PUS7L: variants seen among roughly 807,000 people sequenced by gnomAD.
The protein encoded by PUS7L is pseudouridine synthase 7 like, also known as pseudouridylate synthase PUS7L.
In PUS7L, 49 loss-of-function variants were observed where a neutral mutation model predicts 51.1. The ratio of observed to expected loss-of-function variants is 0.96; its 90% CI spans 0.76 to 1.22. PUS7L has a LOEUF of 1.22. Ranked by LOEUF, PUS7L falls within the 50% of genes most tolerant of loss-of-function variation. PUS7L has a pLI of 0.00. For synonymous variants in PUS7L, 277 were observed against 276.2 expected, an observed-to-expected ratio of 1.00 and a Z score of -0.03; for missense variants, 828 against 820.6, an observed-to-expected ratio of 1.01 and a Z score of -0.11.
At chr12:43,742,104 T>C (rs950899920) in intron 5 of PUS7L, among the ~76,000 whole-genome samples, 10 of 152,252 alleles carry the variant, frequency 6.6e-5, no homozygotes, top group Admixed American at 5.9e-4. Flanking sequence ...TTTTAGTCTC[T>C]GGACTTATGT....
chr12:43,740,096 C>T (rs1014424140), intron 5 of PUS7L, among the ~76,000 whole-genome samples: 8 of 152,136 alleles, frequency 5.3e-5, no homozygotes, highest in African/African-American at 1.9e-4. Context: ...TTGCCAAAAT[C>T]TTAATGAAAA....
chr12:43,742,785 G>A (rs1318514302), intron 4 of PUS7L: 5 of 331,656 alleles, frequency 1.5e-5, no homozygotes, highest in South Asian at 1.2e-4. Flanking sequence ...TTAAAAATAC[G>A]TCAGCTTTCC....
intron 4 of PUS7L, among the ~76,000 whole-genome samples, chr12:43,744,622 T>A (rs1315567955): frequency 3.9e-5 from 6 of 152,216 alleles, no homozygotes; most frequent in Non-Finnish European, 7.4e-5. Flanking sequence ...AAAGAGTATA[T>A]AATCAGATAA....
intron 3 of PUS7L, among the ~76,000 whole-genome samples, chr12:43,747,801 T>G (rs1355895140): frequency 1.3e-5 from 2 of 152,246 alleles, no homozygotes; most frequent in African/African-American, 4.8e-5. Context: ...TTTTGTTTAT[T>G]TTTTTGAGAC....
At chr12:43,755,736 G>A (rs1209764751) in intron 1 of PUS7L, among the ~76,000 whole-genome samples, 1 of 152,164 alleles carries the variant, frequency 6.6e-6, no homozygotes, top group Non-Finnish European at 1.5e-5. Flanking sequence ...AAAGACAATA[G>A]GAAAACTGAT....
chr12:43,747,854 T>C (rs1478416235), intron 3 of PUS7L, among the ~76,000 whole-genome samples: 2 of 152,142 alleles, frequency 1.3e-5, no homozygotes, highest in African/African-American at 4.8e-5. Context: ...AGTTGCATGA[T>C]CCCTGCTCAC....
Position 43,723,556 on chromosome 12 carries a change from C to A in PUS7L, c.*6820G>T, listed in dbSNP as rs1186046560. The A allele has an allele frequency of 6.6e-6, 1 of 152,014 alleles. No individual in the cohort carries two copies. The highest frequency in any genetic ancestry group is 1.5e-5 in the Non-Finnish European group (1 of 67,940). The allele number at this position is 152,014 out of a possible 1,614,324, so 9.4% of individuals were successfully genotyped here. A position where few individuals can be genotyped will look rare whatever the true frequency, so the allele number is the denominator to read the frequency against. ...CTCTTTACCATTTAGTCTGCATATT[C>A]CACTTGCAAGTGGCATTTCAAATCA... On this transcript the variant is annotated 3_prime_UTR_variant, in exon 9 of 9. Coordinates refer to ENST00000344862, the MANE Select transcript of PUS7L (RefSeq NM_031292.5).
intron 7 of PUS7L, among the ~76,000 whole-genome samples, chr12:43,733,444 T>A (rs1944607830): frequency 6.6e-6 from 1 of 152,192 alleles, no homozygotes; most frequent in South Asian, 2.1e-4. Flanking sequence ...AAACATTGTT[T>A]TTGCTGCTCA....
At chr12:43,751,196 T>TTATA (rs199754116) in intron 2 of PUS7L, among the ~76,000 whole-genome samples, 26 of 150,052 alleles carry the variant, frequency 1.7e-4, no homozygotes, top group Admixed American at 1.0e-3. Context: ...TATTTTTAAT[T>TTATA]TATATATATA....
intron 2 of PUS7L, among the ~76,000 whole-genome samples, chr12:43,749,545 C>T (rs1317745352): frequency 6.6e-6 from 1 of 152,072 alleles, no homozygotes; most frequent in Non-Finnish European, 1.5e-5. Flanking sequence ...TAGCAAACAC[C>T]TATGGTCACA....
chr12:43,747,579 A>G (rs1011845996), intron 3 of PUS7L, among the ~76,000 whole-genome samples: 3 of 152,000 alleles, frequency 2.0e-5, no homozygotes, highest in Non-Finnish European at 4.4e-5. Context: ...CTGTAATCCC[A>G]GCTACTCGGG....
rs554434041 is a variant in PUS7L, at chr12:43,727,552, G to A, written c.*2824C>T. The A allele has an allele frequency of 1.2e-4, 18 of 152,178 alleles. No individual in the cohort carries two copies. The highest frequency in any genetic ancestry group is 6.5e-4 in the Admixed American group (10 of 15,290). 9.4% of individuals were successfully genotyped at this position (152,178 alleles called of 1,614,324 possible). A position where few individuals can be genotyped will look rare whatever the true frequency, so the allele number is the denominator to read the frequency against. On this transcript the variant is annotated 3_prime_UTR_variant, in exon 9 of 9. Transcript: ENST00000344862. ...TTCCAGCAACATGGATGTAGCTGGA[G>A]GCCATTATTGTAAGCAAATTAATGC...
Position 43,738,315 on chromosome 12 carries a change from T to G in PUS7L, c.1439A>C (p.Gln480Pro). Residue 480 changes from glutamine (Q) to proline (P), a missense_variant, in exon 6 of 9, where the codon CAA becomes CCA. Gln to Pro is a moderately conservative substitution (Grantham distance 76, BLOSUM62 -1). Transcript: ENST00000344862. ...PVNRAKKYFL[Q>P]TEDAKGTLSL... Reference sequence around the variant, plus strand: ...GGATAAAGAAACGTAAATACCAGTTTGAAGAAAATACTTCTTTGCTCTATT... The same window carrying G: ...GGATAAAGAAACGTAAATACCAGTTGGAAGAAAATACTTCTTTGCTCTATT... The G allele has an allele frequency of 1.3e-6, 2 of 1,530,666 alleles. No individual in the cohort carries two copies. Among genetic ancestry groups the G allele is most frequent in the Non-Finnish European group, 1.8e-6 (2 of 1,104,378 alleles). 94.8% of individuals were successfully genotyped at this position (1,530,666 alleles called of 1,614,324 possible). A position where few individuals can be genotyped will look rare whatever the true frequency, so the allele number is the denominator to read the frequency against.
Position 43,754,480 on chromosome 12 carries a change from G to T in PUS7L, c.766C>A (p.Leu256Ile). ...HHFVNKKFGN[L>I]VETKSFSKMN... ...TTAGAAAAAGATTTGGTTTCCACAA[G>T]GTTTCCAAACTTTTTGTTGACAAAA... Residue 256 changes from leucine (L) to isoleucine (I), a missense_variant, in exon 2 of 9, where the codon CTT (leucine) becomes ATT (isoleucine). Coordinates refer to ENST00000344862, the MANE Select transcript of PUS7L (RefSeq NM_031292.5). The T allele has an allele frequency of 6.2e-7, 1 of 1,613,868 alleles. No individual in the cohort carries two copies. Among genetic ancestry groups the T allele is most frequent in the Non-Finnish European group, 8.5e-7 (1 of 1,179,836 alleles).
At chr12:43,743,623 C>G (rs10880561) in intron 4 of PUS7L, among the ~76,000 whole-genome samples, 1 of 151,834 alleles carries the variant, frequency 6.6e-6, no homozygotes, top group Non-Finnish European at 1.5e-5. Context: ...ATTAGCTGGG[C>G]GTGGTGGCGG....
rs1944447146 is a variant in PUS7L, at chr12:43,725,795, G to A, written c.*4581C>T. The A allele has an allele frequency of 6.6e-6, 1 of 152,112 alleles. No individual in the cohort carries two copies. The highest frequency in any genetic ancestry group is 6.5e-5 in the Admixed American group (1 of 15,272). 9.4% of individuals were successfully genotyped at this position (152,112 alleles called of 1,614,324 possible). The stretch of plus-strand genomic sequence containing the variant: ...ATCAAGCTCAACCACACGCTATTTT[G>A]TTTGACCTTGATTAGGTTAGTAAAC... On this transcript the variant is annotated 3_prime_UTR_variant, in exon 9 of 9. Transcript: ENST00000344862.
chr12:43,736,279 A>G, intron 7 of PUS7L, 102 bp downstream of exon 7: 1 of 970,320 alleles, frequency 1.0e-6, no homozygotes, highest in Non-Finnish European at 1.5e-6. Flanking sequence ...AGATAAATAA[A>G]TTACATGTAT....
intron 1 of PUS7L, chr12:43,758,263 C>A: frequency 2.1e-6 from 2 of 959,930 alleles, no homozygotes; most frequent in Non-Finnish European, 2.5e-6. Context: ...ATTCCAGCAT[C>A]CTGGTAGAAG....
At chr12:43,742,604 T>C in intron 4 of PUS7L, 49 bp from the exon 5 acceptor site, 1 of 1,499,562 alleles carries the variant, frequency 6.7e-7, no homozygotes, top group Non-Finnish European at 9.0e-7. Context: ...AATACAATTA[T>C]GTGTCAAAAT....
Sources: gnomAD v4.1 joint callset for allele counts (sites outside exome capture counted in the v4.1 genomes callset) on GRCh38, gnomAD v4.1.1 for gene constraint, MANE v1.5 for transcripts, NCBI Gene and HGNC (gene_info 2026-07-23, HGNC 2026-07-21) for gene names.